SEZ6L: variants seen among roughly 807,000 people sequenced by gnomAD.
The protein encoded by SEZ6L is seizure related 6 homolog like.
SEZ6L carries 37 observed loss-of-function variants against 106.2 expected under a neutral mutation model. The ratio of observed to expected loss-of-function variants is 0.35; its 90% CI spans 0.27 to 0.46. SEZ6L has a LOEUF of 0.46. SEZ6L is among the 20% of genes least tolerant of loss of function. The pLI is 1.00. For synonymous variants in SEZ6L, 541 were observed against 570.4 expected, an observed-to-expected ratio of 0.95 and a Z score of 0.73; for missense variants, 1,172 against 1,332.8, an observed-to-expected ratio of 0.88 and a Z score of 1.88.
intron 14 of SEZ6L, among the ~76,000 whole-genome samples, chr22:26,374,170 C>T (rs972980715): frequency 1.3e-5 from 2 of 151,580 alleles, no homozygotes; most frequent in Middle Eastern, 3.5e-3. Flanking sequence ...AAAATATATA[C>T]TGTAATATAT....
chr22:26,206,687 A>G (rs1177118956), intron 1 of SEZ6L, among the ~76,000 whole-genome samples: 1 of 152,274 alleles, frequency 6.6e-6, no homozygotes, highest in Non-Finnish European at 1.5e-5. Flanking sequence ...CTAGACATCC[A>G]TAATATATTA....
rs532139961 is a variant in SEZ6L, at chr22:26,346,545, C to A, written c.2213-1174C>A. 2.0e-5 allele frequency among the ~76,000 whole-genome samples: 3 copies of A among 152,300 alleles called. No homozygotes were observed. In the South Asian group the frequency reaches 6.2e-4, roughly 32 times the overall value. ...TTTCTCTGGGTTAAAAATTCAGGAG[C>A]AGCATGAGTTGGATGGCTTTGTCTT... On this transcript the variant is annotated intron_variant, in intron 10 of 16. Transcript: ENST00000248933.
At chr22:26,282,739 A>G (rs191721333) in intron 1 of SEZ6L, among the ~76,000 whole-genome samples, 48 of 152,290 alleles carry the variant, frequency 3.2e-4, no homozygotes, top group African/African-American at 1.1e-3. Context: ...CCCAGATTCC[A>G]TTTTAGATGG....
intron 1 of SEZ6L, among the ~76,000 whole-genome samples, chr22:26,280,501 A>G (rs1182328527): frequency 1.3e-5 from 2 of 152,208 alleles, no homozygotes; most frequent in African/African-American, 4.8e-5. Flanking sequence ...TACTCTGCAC[A>G]TCATTCTGCA....
At chr22:26,178,672 T>A (rs1465314031) in intron 1 of SEZ6L, among the ~76,000 whole-genome samples, 1 of 152,082 alleles carries the variant, frequency 6.6e-6, no homozygotes. Flanking sequence ...ATTGGTGAGT[T>A]CACATTGCCA....
chr22:26,344,623 T>C (rs1473083822), intron 10 of SEZ6L, among the ~76,000 whole-genome samples: 1 of 152,218 alleles, frequency 6.6e-6, no homozygotes, highest in African/African-American at 2.4e-5. Flanking sequence ...TGTGCAAAAA[T>C]TGAACCTTGG....
intron 1 of SEZ6L, among the ~76,000 whole-genome samples, chr22:26,291,492 TG>T (rs2081107054): frequency 6.6e-6 from 1 of 152,164 alleles, no homozygotes; most frequent in South Asian, 2.1e-4. Flanking sequence ...TAATGCATGC[TG>T]GGCTTAATAC....
rs537079869 is a variant in SEZ6L, at chr22:26,197,446, A to G, written c.94+27683A>G. ...CCGAGCCTGGTCTTACTGGGTGAGT[A>G]AGTAACATTGTGCATACATTGTCAT... On this transcript the variant is annotated intron_variant, in intron 1 of 16. Transcript: ENST00000248933. 2.6e-5 allele frequency among the ~76,000 whole-genome samples: 4 copies of G among 152,298 alleles called. No individual in the cohort carries two copies. In the South Asian group the frequency reaches 8.3e-4, roughly 32 times the overall value.
chr22:26,365,700 C>A, intron 13 of SEZ6L, 134 bp downstream of exon 13: 1 of 707,918 alleles, frequency 1.4e-6, no homozygotes, highest in Non-Finnish European at 2.2e-6. Flanking sequence ...TAGTGAGACC[C>A]CCATCTCTAC....
At chr22:26,229,962 G>A (rs996677201) in intron 1 of SEZ6L, among the ~76,000 whole-genome samples, 2 of 152,194 alleles carry the variant, frequency 1.3e-5, no homozygotes, top group African/African-American at 4.8e-5. Context: ...TTCTCTCTCT[G>A]AACCCTGGAA....
chr22:26,354,088 C>T (rs1426974621), intron 12 of SEZ6L, among the ~76,000 whole-genome samples: 4 of 151,960 alleles, frequency 2.6e-5, no homozygotes, highest in African/African-American at 7.3e-5. Context: ...CTTGATTGGA[C>T]GTAGCGTCTT....
intron 1 of SEZ6L, among the ~76,000 whole-genome samples, chr22:26,254,266 G>A (rs1479107699): frequency 6.6e-6 from 1 of 152,150 alleles, no homozygotes; most frequent in African/African-American, 2.4e-5. Flanking sequence ...ATTTCTGCTT[G>A]AAGATGGATT....
chr22:26,335,087 C>T (rs1311146845), intron 9 of SEZ6L, among the ~76,000 whole-genome samples: 4 of 152,164 alleles, frequency 2.6e-5, no homozygotes, highest in Non-Finnish European at 5.9e-5. Context: ...TACAAAGGTC[C>T]GATTCCAGGG....
intron 2 of SEZ6L, among the ~76,000 whole-genome samples, 187 bp downstream of exon 2, chr22:26,293,333 T>G (rs181658967): frequency 6.6e-6 from 1 of 152,322 alleles, no homozygotes; most frequent in African/African-American, 2.4e-5. Flanking sequence ...GTTTGTTGTT[T>G]TGGGGGGTTG....
In SEZ6L at chr22:26,314,613, A is replaced by G. The variant is rs185975230; in HGVS notation, c.2015+711A>G. Among the ~76,000 whole-genome samples, 24 of 152,168 alleles carry G rather than the reference A, an allele frequency of 1.6e-4. No individual in the cohort carries two copies. In the East Asian group the frequency reaches 3.1e-3, roughly 20 times the overall value. ...TTGCTGAATGAAAAAAAATGTTTTT[A>G]ATGAACGGACTTACTTAGCTGTGCG... On this transcript the variant is annotated intron_variant, in intron 9 of 16. Coordinates refer to ENST00000248933, the MANE Select transcript of SEZ6L (RefSeq NM_021115.5).
intron 6 of SEZ6L, among the ~76,000 whole-genome samples, chr22:26,310,210 T>C (rs2081773081): frequency 6.6e-6 from 1 of 152,166 alleles, no homozygotes; most frequent in South Asian, 2.1e-4. Flanking sequence ...GGAAACAGGT[T>C]CGATAAGGTG....
At position 26,363,526 on chromosome 22, in the gene SEZ6L, G is replaced by A. The variant is rs545205452; in HGVS notation, c.2600-1846G>A. On this transcript the variant is annotated intron_variant, in intron 12 of 16. Transcript: ENST00000248933. ...TTTAAAGCCTGGGAAAGAAGTGCCA[G>A]AAAAGATTCTGAAGTTATGATGATG... Among the ~76,000 whole-genome samples, 137 of 152,316 alleles carry A rather than the reference G, an allele frequency of 9.0e-4. 1 individual carries two copies. The highest frequency in any genetic ancestry group is 3.0e-3 in the African/African-American group (125 of 41,572).
At chr22:26,208,134 C>G (rs1235795173) in intron 1 of SEZ6L, among the ~76,000 whole-genome samples, 1 of 151,872 alleles carries the variant, frequency 6.6e-6, no homozygotes, top group Non-Finnish European at 1.5e-5. Context: ...CCAGGATGGT[C>G]TCGATCTCCT....
At chr22:26,314,095 C>CACAGAGAG (rs1491457169) in intron 9 of SEZ6L, among the ~76,000 whole-genome samples, 193 bp downstream of exon 9, 68 of 136,324 alleles carry the variant, frequency 5.0e-4, no homozygotes, top group African/African-American at 1.6e-3. Flanking sequence ...CACACACACA[C>CACAGAGAG]AGAGAGAGAG....
Sources: gnomAD v4.1 joint callset for allele counts (sites outside exome capture counted in the v4.1 genomes callset) on GRCh38, gnomAD v4.1.1 for gene constraint, MANE v1.5 for transcripts, NCBI Gene and HGNC (gene_info 2026-07-23, HGNC 2026-07-21) for gene names.